Variants in PTPN9 observed in about 807,000 individuals in gnomAD.
The protein encoded by PTPN9 is tyrosine-protein phosphatase non-receptor type 9.
PTPN9 carries 26 observed loss-of-function variants against 69.8 expected under a neutral mutation model. The ratio of observed to expected loss-of-function variants is 0.37; its 90% CI spans 0.27 to 0.52. The LOEUF is 0.52. PTPN9 is among the 20% of genes least tolerant of loss of function. PTPN9 has a pLI of 0.91. For synonymous variants in PTPN9, 274 were observed against 272.5 expected (o/e 1.01, Z -0.05); for missense variants, 549 against 740.3 (o/e 0.74, Z 3.00).
chr15:75,565,725 T>C (rs925906390), intron 1 of PTPN9, among the ~76,000 whole-genome samples: 7 of 152,234 alleles, frequency 4.6e-5, no homozygotes, highest in Non-Finnish European at 7.3e-5. Context: ...GAATCATTTT[T>C]AGGTCATCAG....
rs1286964011 is a variant in PTPN9, at chr15:75,579,253, C to G, written c.-477G>C. ...CCCAGCCGGGCCGTCCTCGCGGACG[C>G]TGGCCCTGCGACCTGCGCGGCTGCC... On this transcript the variant is annotated 5_prime_UTR_variant, in exon 1 of 13. Coordinates refer to ENST00000618819, the MANE Select transcript of PTPN9 (RefSeq NM_002833.4). 3.9e-5 allele frequency: 6 copies of G among 152,194 alleles called. No homozygotes were observed. Among genetic ancestry groups the G allele is most frequent in the African/African-American group, 1.4e-4 (6 of 41,450 alleles). The allele number at this position is 152,194 out of a possible 1,614,324, so 9.4% of individuals were successfully genotyped here. A position where few individuals can be genotyped will look rare whatever the true frequency, so the allele number is the denominator to read the frequency against.
intron 5 of PTPN9, among the ~76,000 whole-genome samples, chr15:75,514,881 A>C (rs936459403): frequency 2.0e-5 from 3 of 152,212 alleles, no homozygotes; most frequent in African/African-American, 7.2e-5. Context: ...TGGGAAAAAA[A>C]TTAAGAAGTC....
chr15:75,563,468 G>C (rs891905762), intron 1 of PTPN9, among the ~76,000 whole-genome samples: 1 of 152,122 alleles, frequency 6.6e-6, no homozygotes, highest in Admixed American at 6.6e-5. Context: ...GATTACAGGC[G>C]TGAGCCCACA....
chr15:75,527,445 T>C (rs2074934541), intron 1 of PTPN9, among the ~76,000 whole-genome samples, 184 bp from the exon 2 acceptor site: 1 of 152,034 alleles, frequency 6.6e-6, no homozygotes, highest in South Asian at 2.1e-4. Context: ...TTAAAATTTG[T>C]ATAATTCAAT....
At chr15:75,502,295 A>T (rs1240190637) in intron 7 of PTPN9, among the ~76,000 whole-genome samples, 1 of 151,996 alleles carries the variant, frequency 6.6e-6, no homozygotes, top group Non-Finnish European at 1.5e-5. Context: ...AAAAATACAA[A>T]AATTAGCCAG....
At chr15:75,502,378 G>T (rs1251447553) in intron 7 of PTPN9, among the ~76,000 whole-genome samples, 1 of 151,934 alleles carries the variant, frequency 6.6e-6, no homozygotes, top group Admixed American at 6.6e-5. Context: ...AACCTGGGAG[G>T]CGGAGGTTGC....
chr15:75,475,376 C>T (rs961471109), intron 9 of PTPN9, among the ~76,000 whole-genome samples: 18 of 151,904 alleles, frequency 1.2e-4, no homozygotes, highest in Admixed American at 6.6e-5. Flanking sequence ...GTCAGGAGTC[C>T]GAGACCAGCC....
At chr15:75,518,166 A>T (rs1345253406) in intron 4 of PTPN9, among the ~76,000 whole-genome samples, 2 of 152,004 alleles carry the variant, frequency 1.3e-5, no homozygotes, top group Admixed American at 6.6e-5. Flanking sequence ...AAGCCCAGGA[A>T]TTTGAGACCA....
At chr15:75,562,249 A>G (rs1440590265) in intron 1 of PTPN9, among the ~76,000 whole-genome samples, 1 of 152,206 alleles carries the variant, frequency 6.6e-6, no homozygotes, top group Non-Finnish European at 1.5e-5. Context: ...ACCTCATTAA[A>G]TCATATAATT....
chr15:75,505,753 G>A lies in PTPN9; in HGVS notation c.890C>T (p.Ala297Val), dbSNP rs559576371. ...TIQELVDYVN[A>V]RQKQGIYEEY... is the part of the protein sequence containing the mutation. Reference sequence around the variant, plus strand: ...CTCATAGATTCCTTGCTTTTGCCTGGCATTAACATAGTCCACCAACTCTTG... The same window carrying A: ...CTCATAGATTCCTTGCTTTTGCCTGACATTAACATAGTCCACCAACTCTTG... Residue 297 changes from alanine to valine, a missense_variant, in exon 7 of 13, where the codon GCC becomes GTC. By Grantham distance (64) the Ala-to-Val change is moderately conservative (BLOSUM62 0). Coordinates refer to ENST00000618819, the MANE Select transcript of PTPN9 (RefSeq NM_002833.4). The A allele has an allele frequency of 1.2e-6, 2 of 1,614,106 alleles. No homozygotes were observed. The highest frequency in any genetic ancestry group is 8.5e-7 in the Non-Finnish European group (1 of 1,180,006).
intron 1 of PTPN9, among the ~76,000 whole-genome samples, chr15:75,531,725 A>AT (rs1052564777): frequency 1.3e-5 from 2 of 151,706 alleles, no homozygotes; most frequent in Admixed American, 1.3e-4. Flanking sequence ...CACCCGGCTA[A>AT]TTTTTTTGTA....
At chr15:75,577,412 G>A (rs978676842) in intron 1 of PTPN9, among the ~76,000 whole-genome samples, 1 of 152,100 alleles carries the variant, frequency 6.6e-6, no homozygotes, top group Non-Finnish European at 1.5e-5. Context: ...TTGCACTAGG[G>A]TCTGACTAGC....
chr15:75,572,458 C>T (rs900094037), intron 1 of PTPN9, among the ~76,000 whole-genome samples: 4 of 152,130 alleles, frequency 2.6e-5, no homozygotes, highest in Admixed American at 1.3e-4. Context: ...GCCTGTAATC[C>T]GAGCACTTGG....
intron 5 of PTPN9, among the ~76,000 whole-genome samples, chr15:75,511,168 T>C (rs1315237488): frequency 6.6e-6 from 1 of 152,206 alleles, no homozygotes; most frequent in Non-Finnish European, 1.5e-5. Context: ...TTTCCACTTG[T>C]CCAGATTTGA....
intron 1 of PTPN9, among the ~76,000 whole-genome samples, chr15:75,557,915 C>T (rs1235766301): frequency 6.6e-6 from 1 of 152,178 alleles, no homozygotes; most frequent in East Asian, 1.9e-4. Flanking sequence ...AGAAAATGGG[C>T]TGGGCGCGGT....
At chr15:75,500,027 A>C (rs2074764240) in intron 7 of PTPN9, among the ~76,000 whole-genome samples, 1 of 152,036 alleles carries the variant, frequency 6.6e-6, no homozygotes, top group African/African-American at 2.4e-5. Context: ...AAAATACACA[A>C]ATTAGGCCAG....
In PTPN9 at chr15:75,469,802, A is replaced by G; in HGVS notation, c.1557T>C (p.Ile519=). The G allele has an allele frequency of 1.9e-6, 3 of 1,612,748 alleles. No homozygotes were observed. Among genetic ancestry groups the G allele is most frequent in the Non-Finnish European group, 2.5e-6 (3 of 1,179,974 alleles). Residue 519 remains isoleucine (I), a synonymous_variant, in exon 12 of 13, where the codon ATT becomes ATC. Coordinates refer to ENST00000618819, the MANE Select transcript of PTPN9 (RefSeq NM_002833.4). ...PPIVVHCSAG[I]GRTGTFCSLD... is the part of the protein sequence containing the mutation. ...CATTAGGTGCGTTACCTGTCCTGCCAATGCCTGCACTGCAATGGACCACAA... is the reference window on the plus strand; with the variant it reads ...CATTAGGTGCGTTACCTGTCCTGCCGATGCCTGCACTGCAATGGACCACAA...
chr15:75,520,731 G>T (rs1157762540), intron 4 of PTPN9, among the ~76,000 whole-genome samples: 2 of 151,870 alleles, frequency 1.3e-5, no homozygotes, highest in Non-Finnish European at 2.9e-5. Context: ...GGCCAGGCTG[G>T]TCTCAAACTC....
At chr15:75,540,366 AACATG>A in intron 1 of PTPN9, among the ~76,000 whole-genome samples, 1 of 152,278 alleles carries the variant, frequency 6.6e-6, no homozygotes, top group South Asian at 2.1e-4. Context: ...CAGCCTGGCC[AACATG>A]GCAAAACTCT....
Sources: gnomAD v4.1 joint callset for allele counts (sites outside exome capture counted in the v4.1 genomes callset) on GRCh38, gnomAD v4.1.1 for gene constraint, MANE v1.5 for transcripts, NCBI Gene and HGNC (gene_info 2026-07-23, HGNC 2026-07-21) for gene names.